PELP1: variants seen among roughly 807,000 people sequenced by gnomAD.
PELP1 encodes the protein proline, glutamate and leucine rich protein 1.
Under a neutral mutation model 95.5 loss-of-function variants are expected in PELP1, and 32 were observed. That is an observed-to-expected ratio of 0.34 (90% CI 0.25 to 0.45). PELP1 has a LOEUF of 0.45. Among genes scored for constraint, PELP1 ranks in the 20% least tolerant of loss-of-function variants. PELP1 has a pLI of 1.00. For synonymous variants in PELP1, 668 were observed against 600.1 expected, an observed-to-expected ratio of 1.11 and a Z score of -1.65; for missense variants, 1,358 against 1,444.8, an observed-to-expected ratio of 0.94 and a Z score of 0.97.
rs941013587 is a variant in PELP1, at chr17:4,670,338, C to G, written c.*1101G>C. The G allele has an allele frequency of 6.6e-6, 1 of 152,176 alleles. No individual in the cohort carries two copies. Among genetic ancestry groups the G allele is most frequent in the African/African-American group, 2.4e-5 (1 of 41,446 alleles). The allele number at this position is 152,176 out of a possible 1,614,324, so 9.4% of individuals were successfully genotyped here. The stretch of plus-strand genomic sequence containing the variant: ...CCACGGGGCCCCTAGTTCAAGCCCA[C>G]CAATCTTGGTACCCTCTCACAGACA... On this transcript the variant is annotated 3_prime_UTR_variant, in exon 17 of 17. Coordinates refer to ENST00000572293, the MANE Select transcript of PELP1 (RefSeq NM_014389.3).
At chr17:4,683,529 TTC>T (rs1912791914) in intron 3 of PELP1, among the ~76,000 whole-genome samples, 2 of 100,136 alleles carry the variant, frequency 2.0e-5, no homozygotes, top group African/African-American at 8.7e-5. Context: ...GAGTTTTCTT[TTC>T]TTTTTTTTTT....
chr17:4,690,897 C>T lies in PELP1; in HGVS notation c.411G>A (p.Gln137=). The T allele has an allele frequency of 2.5e-6, 4 of 1,611,324 alleles. No homozygotes were observed. The highest frequency in any genetic ancestry group is 3.4e-6 in the Non-Finnish European group (4 of 1,177,514). ...GCAGCTGAAACCTCACCTGTAACAC[C>T]TGCTGAATGCTCCGAAGCCAAGACA... ...HCVSWLRSIQ[Q]VLQTQDPPAT... is the part of the protein sequence containing the mutation. Residue 137 remains glutamine (Q), a synonymous_variant, in exon 3 of 17, where the codon CAG becomes CAA. Transcript: ENST00000572293.
At chr17:4,692,090 G>A (rs1385028294) in intron 1 of PELP1, among the ~76,000 whole-genome samples, 3 of 152,172 alleles carry the variant, frequency 2.0e-5, no homozygotes, top group African/African-American at 7.2e-5. Flanking sequence ...TATGCATGAG[G>A]TTACGTGAAG....
intron 1 of PELP1, among the ~76,000 whole-genome samples, chr17:4,692,866 T>A (rs1448104277): frequency 4.0e-5 from 6 of 151,674 alleles, no homozygotes; most frequent in Non-Finnish European, 7.4e-5. Context: ...AAAAATTAGC[T>A]AGTTATGGTG....
At position 4,671,314 on chromosome 17, in the gene PELP1, C is replaced by A. The variant is rs1912188581; in HGVS notation, c.*125G>T. On this transcript the variant is annotated 3_prime_UTR_variant, in exon 17 of 17. Transcript: ENST00000572293. ...GACATCTGGGGAATACTATGGACAC[C>A]CTGAAAAGCCCAGCAGACACTTGAG... is the stretch of plus-strand genomic sequence containing the variant. 3 of 667,422 alleles carry A rather than the reference C, an allele frequency of 4.5e-6. No homozygotes were observed. In the African/African-American group the frequency reaches 5.4e-5, roughly 12 times the overall value. 41.3% of individuals were successfully genotyped at this position (667,422 alleles called of 1,614,324 possible). A position where few individuals can be genotyped will look rare whatever the true frequency, so the allele number is the denominator to read the frequency against.
chr17:4,678,336 C>T (rs1912569467), intron 5 of PELP1, among the ~76,000 whole-genome samples: 2 of 151,960 alleles, frequency 1.3e-5, no homozygotes, highest in African/African-American at 4.8e-5. Context: ...CCGAGACATC[C>T]TAGTGGTGCA....
Position 4,683,423 on chromosome 17 carries a change from T to C in PELP1, c.421-471A>G, listed in dbSNP as rs1182318405. Among the ~76,000 whole-genome samples the C allele has an allele frequency of 1.6e-4, 25 of 151,672 alleles. 1 individual carries two copies. The highest frequency in any genetic ancestry group is 1.4e-3 in the East Asian group (7 of 5,164). On this transcript the variant is annotated intron_variant, in intron 3 of 16. Transcript: ENST00000572293. ...TTTTAGTAGAGACGGGGTTTCACTA[T>C]GTTAGCCAGGATGGTCTCGATCTCC...
chr17:4,703,928 A>G lies in PELP1; in HGVS notation c.184T>C (p.Ser62Pro), dbSNP rs1039583456. Residue 62 changes from serine (S) to proline (P), a missense_variant, in exon 1 of 17, where the codon TCG becomes CCG. Physicochemically the swap from Ser to Pro is moderately conservative, Grantham distance 74. Coordinates refer to ENST00000572293, the MANE Select transcript of PELP1 (RefSeq NM_014389.3). The part of the protein sequence containing the change: ...AVAPVHPPNR[S>P]APHLPGLMCL... ...ATGAGCCCGGGCAAATGTGGGGCCG[A>G]GCGGTTTGGGGGATGCACCGGAGCA... is the stretch of plus-strand genomic sequence containing the variant. 15 of 1,613,526 alleles carry G rather than the reference A, an allele frequency of 9.3e-6. No individual in the cohort carries two copies. The highest frequency in any genetic ancestry group is 1.3e-5 in the Non-Finnish European group (15 of 1,179,722).
At chr17:4,676,540 G>A (rs759895227) in intron 6 of PELP1, 33 bp from the exon 7 acceptor site, 30 of 1,610,746 alleles carry the variant, frequency 1.9e-5, no homozygotes, top group Middle Eastern at 3.3e-4. Flanking sequence ...CTGGTCAGAT[G>A]GGAATCCAGC....
rs1298528177 is a variant in PELP1, at chr17:4,672,111, C to T, written c.2880G>A (p.Val960=). 6.4e-7 allele frequency: 1 copy of T among 1,553,470 alleles called. No homozygotes were observed. ...DEEEEEELEE[V]EDLEFGTAGG... Reference sequence around the variant, plus strand: ...CTGCTGTGCCAAACTCCAGGTCTTCCACCTCTTCCAGTTCTTCTTCCTCCT... The same window carrying T: ...CTGCTGTGCCAAACTCCAGGTCTTCTACCTCTTCCAGTTCTTCTTCCTCCT... The change falls in exon 16 of 17, where the codon GTG becomes GTA. Residue 960 remains valine (V), a synonymous_variant. Transcript: ENST00000572293.
In PELP1 at chr17:4,673,198, T is replaced by C; in HGVS notation, c.1845+52A>G. 1 of 1,529,300 alleles carries C rather than the reference T, an allele frequency of 6.5e-7. No homozygotes were observed. Among genetic ancestry groups the C allele is most frequent in the Non-Finnish European group, 8.8e-7 (1 of 1,134,460 alleles). 94.7% of individuals were successfully genotyped at this position (1,529,300 alleles called of 1,614,324 possible). A position where few individuals can be genotyped will look rare whatever the true frequency, so the allele number is the denominator to read the frequency against. On this transcript the variant is annotated intron_variant, in intron 15 of 16. Transcript: ENST00000572293. This position sits in a 1 kb window ranked among gnomAD's most constrained non-coding sequence, Gnocchi z 5.7. The stretch of plus-strand genomic sequence containing the variant: ...AGCACCAGAAATACTGGGAGTCTCT[T>C]GGAAACAAGAGACTCCAGGAACCAA...
rs1320597086 is a variant in PELP1, at chr17:4,675,029, C to T, written c.1274+50G>A. On this transcript the variant is annotated intron_variant, in intron 11 of 16. Transcript: ENST00000572293. This position sits in a 1 kb window ranked among gnomAD's most constrained non-coding sequence, Gnocchi z 4.3. ...CAGAAGCCCCAGCCCACCTGCACCC[C>T]CTCACCCCCCTCTCCTCTTTATTCC... is the stretch of plus-strand genomic sequence containing the variant. 7 of 1,607,724 alleles carry T rather than the reference C, an allele frequency of 4.4e-6. No homozygotes were observed. Among genetic ancestry groups the T allele is most frequent in the Non-Finnish European group, 6.0e-6 (7 of 1,174,784 alleles).
chr17:4,701,883 C>T (rs1913553592), intron 1 of PELP1, among the ~76,000 whole-genome samples: 2 of 152,096 alleles, frequency 1.3e-5, no homozygotes, highest in African/African-American at 2.4e-5. Flanking sequence ...AAAAAAAATT[C>T]AAGGCAGGAT....
At chr17:4,694,368 G>A (rs4790221) in intron 1 of PELP1, among the ~76,000 whole-genome samples, 148,579 of 151,964 alleles carry the variant, frequency 0.98, 72,717 homozygotes, top group Middle Eastern at 1. Flanking sequence ...TGAGTGAACT[G>A]TGGCCGGGCG....
Position 4,673,739 on chromosome 17 carries a change from G to T in PELP1, c.1583-65C>A. 1 of 1,395,262 alleles carries T rather than the reference G, an allele frequency of 7.2e-7. No individual in the cohort carries two copies. Among genetic ancestry groups the T allele is most frequent in the South Asian group, 1.2e-5 (1 of 86,644 alleles). 86.4% of individuals were successfully genotyped at this position (1,395,262 alleles called of 1,614,324 possible). On this transcript the variant is annotated intron_variant, in intron 13 of 16. Transcript: ENST00000572293. The surrounding 1 kb of genome is among the most constrained non-coding windows in gnomAD (Gnocchi z 5.7). Reference sequence around the variant, plus strand: ...CAGACTGACGGCAAGGGCTTCTGAAGCATACAGCCCAAAATGGGCATCAAC... The same window carrying T: ...CAGACTGACGGCAAGGGCTTCTGAATCATACAGCCCAAAATGGGCATCAAC...
At position 4,670,348 on chromosome 17, in the gene PELP1, T is replaced by C. The variant is rs932209351; in HGVS notation, c.*1091A>G. ...CCTAGTTCAAGCCCACCAATCTTGG[T>C]ACCCTCTCACAGACACATCTCTCGG... On this transcript the variant is annotated 3_prime_UTR_variant, in exon 17 of 17. Coordinates refer to ENST00000572293, the MANE Select transcript of PELP1 (RefSeq NM_014389.3). 4 of 152,172 alleles carry C rather than the reference T, an allele frequency of 2.6e-5. No individual in the cohort carries two copies. The highest frequency in any genetic ancestry group is 9.7e-5 in the African/African-American group (4 of 41,446). 9.4% of individuals were successfully genotyped at this position (152,172 alleles called of 1,614,324 possible).
Position 4,675,468 on chromosome 17 carries a change from C to T in PELP1, c.1069-106G>A. On this transcript the variant is annotated intron_variant, in intron 9 of 16. Transcript: ENST00000572293. This position sits in a 1 kb window ranked among gnomAD's most constrained non-coding sequence, Gnocchi z 4.3. ...TACATATGTACACATAGGTAAGAAA[C>T]CCAACCCCTGATCTCAGCTCTCCCA... 1 of 777,360 alleles carries T rather than the reference C, an allele frequency of 1.3e-6. No individual in the cohort carries two copies. 48.2% of individuals were successfully genotyped at this position (777,360 alleles called of 1,614,324 possible). A position where few individuals can be genotyped will look rare whatever the true frequency, so the allele number is the denominator to read the frequency against.
intron 1 of PELP1, among the ~76,000 whole-genome samples, chr17:4,698,005 A>G (rs959663950): frequency 5.4e-5 from 8 of 149,264 alleles, no homozygotes; most frequent in Non-Finnish European, 1.0e-4. Flanking sequence ...TCATTTCTGC[A>G]AGGTTTTTTT....
In PELP1 at chr17:4,670,463, G is replaced by C. The variant is rs1014301102; in HGVS notation, c.*976C>G. ...GGGACAGTCAGGTGCGGTGTCTCAT[G>C]CTTGTGATCCCAGCACTTTGGGAGT... On this transcript the variant is annotated 3_prime_UTR_variant, in exon 17 of 17. Coordinates refer to ENST00000572293, the MANE Select transcript of PELP1 (RefSeq NM_014389.3). 1 of 152,364 alleles carries C rather than the reference G, an allele frequency of 6.6e-6. No homozygotes were observed. Among genetic ancestry groups the C allele is most frequent in the East Asian group, 1.9e-4 (1 of 5,180 alleles). The allele number at this position is 152,364 out of a possible 1,614,324, so 9.4% of individuals were successfully genotyped here.
Sources: gnomAD v4.1 joint callset for allele counts (sites outside exome capture counted in the v4.1 genomes callset) on GRCh38, gnomAD v4.1.1 for gene constraint, Gnocchi (gnomAD v3.1) non-coding constraint, MANE v1.5 for transcripts, NCBI Gene and HGNC (gene_info 2026-07-23, HGNC 2026-07-21) for gene names.